Variants in MS4A5 observed in about 807,000 individuals in gnomAD.
MS4A5 encodes the protein membrane-spanning 4-domains subfamily A member 5.
A neutral mutation model predicts 18.2 loss-of-function variants in MS4A5; 15 were observed. The observed-to-expected ratio is 0.83, with a 90% CI of 0.55 to 1.27. The LOEUF (loss-of-function observed/expected upper bound fraction) is 1.27, where lower values mean the gene tolerates loss of function less well. Among genes scored for constraint, MS4A5 ranks in the 50% most tolerant of loss-of-function variants. The probability of loss-of-function intolerance (pLI) is 0.00; values close to 1 mark genes in which losing one functional copy is unlikely to be tolerated. For missense variants in MS4A5, 232 were observed against 225.7 expected (o/e 1.03, Z -0.18); for synonymous variants, 89 against 78.7 (o/e 1.13, Z -0.69).
rs1011895505 is a variant in MS4A5, at chr11:60,430,694, G to C, written c.154-102G>C. On this transcript the variant is annotated intron_variant, in intron 1 of 4. Coordinates refer to ENST00000300190, the MANE Select transcript of MS4A5 (RefSeq NM_023945.3). ...TATTATTCTTCCCCTAATTACCAAAGAGAGTAATTGCCAAATCCTTTTGAC... is the reference window on the plus strand; with the variant it reads ...TATTATTCTTCCCCTAATTACCAAACAGAGTAATTGCCAAATCCTTTTGAC... The C allele has an allele frequency of 3.0e-6, 4 of 1,337,368 alleles. No individual in the cohort carries two copies. The African/African-American group carries it at 4.5e-5, about 15-fold the overall frequency. 82.8% of individuals were successfully genotyped at this position (1,337,368 alleles called of 1,614,324 possible).
intron 4 of MS4A5, among the ~76,000 whole-genome samples, chr11:60,440,678 G>T (rs1413679463): frequency 1.2e-4 from 17 of 147,462 alleles, no homozygotes; most frequent in Non-Finnish European, 2.1e-4. Flanking sequence ...ATGAAAAAAT[G>T]CTCACCATCA....
Position 60,430,898 on chromosome 11 carries a change from G to C in MS4A5, c.256G>C (p.Gly86Arg). 1.9e-6 allele frequency: 3 copies of C among 1,612,874 alleles called. No individual in the cohort carries two copies. The highest frequency in any genetic ancestry group is 2.5e-6 in the Non-Finnish European group (3 of 1,179,870). Residue 86 changes from glycine (G) to arginine (R), a missense_variant, in exon 2 of 5, where the codon GGA becomes CGA. Physicochemically the swap from Gly to Arg is moderately radical, Grantham distance 125 (BLOSUM62 -2). Coordinates refer to ENST00000300190, the MANE Select transcript of MS4A5 (RefSeq NM_023945.3). ...AAGGTTTCCCTTTATATTTCTTTCA[G>C]GATATCCATTCTGGGGCTCTGTTTT... ...YPRFPFIFLS[G>R]YPFWGSVLFI...
intron 4 of MS4A5, among the ~76,000 whole-genome samples, chr11:60,442,709 C>T (rs1007303441): frequency 6.6e-6 from 1 of 152,124 alleles, no homozygotes; most frequent in Non-Finnish European, 1.5e-5. Context: ...CCCCGCTGTA[C>T]AACAGATCTC....
At chr11:60,446,554 G>A (rs760661318) in intron 4 of MS4A5, among the ~76,000 whole-genome samples, 8 of 152,040 alleles carry the variant, frequency 5.3e-5, no homozygotes, top group African/African-American at 1.4e-4. Context: ...CCAACATGGC[G>A]AAACCCCGTC....
chr11:60,441,398 T>G (rs1242517199), intron 4 of MS4A5, among the ~76,000 whole-genome samples: 1 of 97,974 alleles, frequency 1.0e-5, no homozygotes, highest in African/African-American at 3.7e-5. Flanking sequence ...CTGCACAATG[T>G]GCACATGTAC....
intron 4 of MS4A5, among the ~76,000 whole-genome samples, chr11:60,437,701 T>C (rs1053937376): frequency 6.6e-6 from 1 of 151,226 alleles, no homozygotes; most frequent in African/African-American, 2.4e-5. Context: ...GGTAAAGGGA[T>C]CAATTCAACA....
At chr11:60,435,427 G>T in intron 4 of MS4A5, 1 of 440,888 alleles carries the variant, frequency 2.3e-6, no homozygotes, top group Non-Finnish European at 4.5e-6. Flanking sequence ...GGGGGGAGGA[G>T]CCAAGATGGC....
intron 3 of MS4A5, among the ~76,000 whole-genome samples, chr11:60,433,535 C>A (rs12224904): frequency 0.036 from 5,550 of 152,260 alleles, 305 homozygotes; most frequent in East Asian, 0.28. Context: ...TTAACTTAGG[C>A]ATAGAATATG....
At chr11:60,434,490 T>C (rs772360421) in intron 4 of MS4A5, among the ~76,000 whole-genome samples, 8 of 152,180 alleles carry the variant, frequency 5.3e-5, no homozygotes, top group Non-Finnish European at 8.8e-5. Flanking sequence ...TATTAGAAGA[T>C]ATTTCTTACA....
intron 2 of MS4A5, 31 bp from the exon 3 acceptor site, chr11:60,432,380 T>A: frequency 1.4e-6 from 2 of 1,442,910 alleles, no homozygotes; most frequent in Non-Finnish European, 1.9e-6. Context: ...CTAAACATGG[T>A]CATCATTAAC....
intron 4 of MS4A5, among the ~76,000 whole-genome samples, chr11:60,447,232 A>G (rs2135182250): frequency 2.6e-5 from 4 of 151,456 alleles, no homozygotes; most frequent in Middle Eastern, 6.8e-3. Context: ...ATCCTATGCT[A>G]TGCTATGCTA....
intron 4 of MS4A5, among the ~76,000 whole-genome samples, chr11:60,444,433 T>C (rs1252146890): frequency 6.6e-6 from 1 of 151,702 alleles, no homozygotes; most frequent in Non-Finnish European, 1.5e-5. Context: ...AGATAAAACA[T>C]AAAAGGGACT....
intron 4 of MS4A5, among the ~76,000 whole-genome samples, chr11:60,443,565 T>C (rs1334737436): frequency 1.3e-5 from 2 of 151,772 alleles, no homozygotes; most frequent in Non-Finnish European, 2.9e-5. Context: ...GAAATTAGAT[T>C]AAAAAATTAA....
rs2086038289 is a variant in MS4A5, at chr11:60,429,742, A to G, written c.68A>G (p.Tyr23Cys). ...VFPPEITASE[Y>C]ESTELSATTF... is the part of the protein sequence containing the mutation. ...CCTCCAGAAATCACTGCTTCAGAAT[A>G]TGAGTCCACAGAACTTTCAGCCACG... Residue 23 changes from tyrosine (Y) to cysteine (C), a missense_variant, in exon 1 of 5, where the codon TAT becomes TGT. Tyr to Cys is a radical substitution (Grantham distance 194). Transcript: ENST00000300190. 2.5e-6 allele frequency: 4 copies of G among 1,614,096 alleles called. No homozygotes were observed. The highest frequency in any genetic ancestry group is 1.1e-5 in the South Asian group (1 of 91,068).
intron 4 of MS4A5, among the ~76,000 whole-genome samples, chr11:60,437,993 C>T (rs2086090286): frequency 6.6e-6 from 1 of 152,252 alleles, no homozygotes; most frequent in Admixed American, 6.5e-5. Flanking sequence ...CCACACCACA[C>T]CTATTCCAAA....
chr11:60,447,458 T>C (rs1224099074), intron 4 of MS4A5, among the ~76,000 whole-genome samples, 191 bp from the exon 5 acceptor site: 1 of 152,260 alleles, frequency 6.6e-6, no homozygotes, highest in African/African-American at 2.4e-5. Flanking sequence ...TTCTATGCTA[T>C]GCTATCCTAT....
At chr11:60,442,172 T>G (rs956569953) in intron 4 of MS4A5, among the ~76,000 whole-genome samples, 2 of 152,088 alleles carry the variant, frequency 1.3e-5, no homozygotes, top group African/African-American at 4.8e-5. Context: ...TATAATACTG[T>G]CAACTGACAT....
chr11:60,440,833 T>C, intron 4 of MS4A5, among the ~76,000 whole-genome samples: 1 of 130,972 alleles, frequency 7.6e-6, no homozygotes. Flanking sequence ...TTGGTGGGAC[T>C]GTAAACTAGT....
rs746059129 is a variant in MS4A5, at chr11:60,433,902, T to C, written c.477T>C (p.Val159=). The C allele has an allele frequency of 6.2e-7, 1 of 1,614,104 alleles. No homozygotes were observed. Among genetic ancestry groups the C allele is most frequent in the Non-Finnish European group, 8.5e-7 (1 of 1,179,978 alleles). Residue 159 remains valine (V), a synonymous_variant, in exon 4 of 5, where the codon GTT becomes GTC. Transcript: ENST00000300190. Reference sequence around the variant, plus strand: ...ACCAAAATAGTCAGTGTAAGGCTGTTACTGTCCTGTTCTTGGTAAGTATGT... The same window carrying C: ...ACCAAAATAGTCAGTGTAAGGCTGTCACTGTCCTGTTCTTGGTAAGTATGT... ...YSHQNSQCKA[V]TVLFLGILIT...
Sources: allele counts gnomAD v4.1 joint callset (sites outside exome capture counted in the v4.1 genomes callset), GRCh38; gene constraint gnomAD v4.1.1; transcripts MANE v1.5; gene names NCBI Gene and HGNC (gene_info 2026-07-23, HGNC 2026-07-21).